The following DYNC2I1 variants were observed in gnomAD, a reference collection of about 807,000 sequenced individuals.
The protein encoded by DYNC2I1 is cytoplasmic dynein 2 intermediate chain 1.
DYNC2I1 carries 89 observed loss-of-function variants against 133.4 expected under a neutral mutation model. That is an observed-to-expected ratio of 0.67 (90% CI 0.56 to 0.80). DYNC2I1 has a LOEUF of 0.80. DYNC2I1 is among the 30% of genes least tolerant of loss of function. The probability of loss-of-function intolerance (pLI) is 0.00; values close to 1 mark genes in which losing one functional copy is unlikely to be tolerated. For synonymous variants in DYNC2I1, 504 were observed against 484.3 expected (o/e 1.04, Z -0.54); for missense variants, 1,291 against 1,314.5 (o/e 0.98, Z 0.28).
chr7:158,914,197 C>T (rs375093369), intron 13 of DYNC2I1, 36 bp from the exon 14 acceptor site: 33 of 1,544,098 alleles, frequency 2.1e-5, no homozygotes, highest in East Asian at 9.2e-5. Flanking sequence ...ATTTTAGAGT[C>T]GACTTCGTTG....
At chr7:158,876,801 A>T (rs1430835587) in intron 4 of DYNC2I1, 110 bp downstream of exon 4, 1 of 1,408,646 alleles carries the variant, frequency 7.1e-7, no homozygotes. Context: ...CCAGGATTTC[A>T]GTCCTGGAAA....
chr7:158,885,302 C>T (rs1027918274), intron 6 of DYNC2I1, among the ~76,000 whole-genome samples: 5 of 150,996 alleles, frequency 3.3e-5, no homozygotes, highest in Non-Finnish European at 2.9e-5. Context: ...ATTCCTGTCT[C>T]GTGTGGGTTT....
Position 158,879,829 on chromosome 7 carries a change from AT to A in DYNC2I1, c.721del (p.Ser241ProfsTer77), listed in dbSNP as rs750519654. ...KSSTREKREK[Y>X]SKEKSNSFSD... ...AGCACAAGGGAAAAAAGAGAGAAATATTCCAAAGAGAAAAGTAATTCATTCT... is the reference window on the plus strand; with the variant it reads ...AGCACAAGGGAAAAAAGAGAGAAATATCCAAAGAGAAAAGTAATTCATTCT... On this transcript the variant is annotated frameshift_variant, in exon 5 of 25. Transcript: ENST00000407559. LOFTEE classifies it high-confidence loss of function. The A allele has an allele frequency of 6.2e-7, 1 of 1,613,416 alleles. No individual in the cohort carries two copies. Among genetic ancestry groups the A allele is most frequent in the East Asian group, 2.2e-5 (1 of 44,884 alleles).
At position 158,945,387 on chromosome 7, in the gene DYNC2I1, G is replaced by A. The variant is rs943230618; in HGVS notation, c.3003-194G>A. Among the ~76,000 whole-genome samples, 5 of 152,216 alleles carry A rather than the reference G, an allele frequency of 3.3e-5. No individual in the cohort carries two copies. Among genetic ancestry groups the A allele is most frequent in the Non-Finnish European group, 7.3e-5 (5 of 68,034 alleles). The stretch of plus-strand genomic sequence containing the variant: ...CACTTACCTCTGCGAAGTTCCATCT[G>A]GCAGGCCTCTGACATGCGGAAATGC... On this transcript the variant is annotated intron_variant, in intron 24 of 24. Transcript: ENST00000407559. The surrounding 1 kb of genome is among the most constrained non-coding windows in gnomAD (Gnocchi z 4.1).
At position 158,914,257 on chromosome 7, in the gene DYNC2I1, A is replaced by G. The variant is rs1240668864; in HGVS notation, c.1727A>G (p.Asp576Gly). ...GGCAGTGAACAAAGAGATACCTCTG[A>G]TGCTGTAGTTATGCCAAAGATTGAT... Reference protein sequence around the residue: ...SGGSEQRDTSDAVVMPKIDTP... With the variant: ...SGGSEQRDTSGAVVMPKIDTP... The change falls in exon 14 of 25, where the codon GAT (aspartate) becomes GGT (glycine). Residue 576 changes from aspartate (D) to glycine (G), a missense_variant. By Grantham distance (94) the Asp-to-Gly change is moderately conservative. Coordinates refer to ENST00000407559, the MANE Select transcript of DYNC2I1 (RefSeq NM_018051.5). The G allele has an allele frequency of 6.2e-7, 1 of 1,612,604 alleles. No individual in the cohort carries two copies. Among genetic ancestry groups the G allele is most frequent in the East Asian group, 2.2e-5 (1 of 44,864 alleles).
In DYNC2I1 at chr7:158,930,149, G is replaced by A. The variant is rs575000948; in HGVS notation, c.2486-306G>A. 7.9e-5 allele frequency among the ~76,000 whole-genome samples: 12 copies of A among 151,236 alleles called. No individual in the cohort carries two copies. The East Asian group carries it at 1.2e-3, about 15-fold the overall frequency. ...AGGCTTATTTAGTGTATGTACACTCGTACACATGTATGGTTTGCTTACCCC... is the reference window on the plus strand; with the variant it reads ...AGGCTTATTTAGTGTATGTACACTCATACACATGTATGGTTTGCTTACCCC... On this transcript the variant is annotated intron_variant, in intron 20 of 24. Transcript: ENST00000407559.
chr7:158,925,623 C>T (rs745388667), intron 17 of DYNC2I1, among the ~76,000 whole-genome samples: 6 of 152,052 alleles, frequency 3.9e-5, no homozygotes, highest in Middle Eastern at 3.2e-3. Context: ...TATTGATTGG[C>T]GACAGGTATC....
intron 13 of DYNC2I1, among the ~76,000 whole-genome samples, chr7:158,913,884 T>C (rs966593712): frequency 6.6e-6 from 1 of 152,046 alleles, no homozygotes; most frequent in Non-Finnish European, 1.5e-5. Context: ...AATTTTTGTA[T>C]TTTTTAGTAG....
the DYNC2I1 span, among the ~76,000 whole-genome samples, chr7:158,848,055 G>C: frequency 2.0e-5 from 3 of 152,202 alleles, no homozygotes; most frequent in African/African-American, 7.2e-5. Context: ...CAGAATGAAA[G>C]AGCATGATTG....
intron 15 of DYNC2I1, 65 bp downstream of exon 15, chr7:158,918,934 T>C: frequency 6.7e-7 from 1 of 1,502,902 alleles, no homozygotes; most frequent in Non-Finnish European, 9.0e-7. Context: ...GAAATAATAC[T>C]CTGTAGTATA....
chr7:158,852,240 G>A (rs1841075307), upstream of DYNC2I1, among the ~76,000 whole-genome samples: 1 of 151,920 alleles, frequency 6.6e-6, no homozygotes, highest in Admixed American at 6.6e-5. Flanking sequence ...TCCTGCCTCA[G>A]CCTCCTGAGT....
intron 12 of DYNC2I1, among the ~76,000 whole-genome samples, chr7:158,912,041 C>G (rs1443922336): frequency 6.6e-6 from 1 of 152,192 alleles, no homozygotes. Context: ...GTGGAGTGAT[C>G]TTGGCTCACT....
chr7:158,918,602 T>TTTTTC, intron 14 of DYNC2I1, 138 bp from the exon 15 acceptor site: 1 of 949,486 alleles, frequency 1.1e-6, no homozygotes, highest in South Asian at 1.7e-5. Context: ...GACCGTATCG[T>TTTTTC]TTTTCTTGTA....
downstream of DYNC2I1, among the ~76,000 whole-genome samples, chr7:158,948,774 A>G (rs774825060): frequency 6.6e-6 from 1 of 152,218 alleles, no homozygotes; most frequent in African/African-American, 2.4e-5. Context: ...AGGGGGGTCC[A>G]GTCGCGGCTG....
At chr7:158,893,942 A>G (rs918240337) in intron 8 of DYNC2I1, among the ~76,000 whole-genome samples, 2 of 152,008 alleles carry the variant, frequency 1.3e-5, no homozygotes, top group African/African-American at 4.8e-5. Context: ...TGCTTATTCT[A>G]CTGCACATCT....
At position 158,905,162 on chromosome 7, in the gene DYNC2I1, A is replaced by G. The variant is rs535251383; in HGVS notation, c.1358-827A>G. The stretch of plus-strand genomic sequence containing the variant: ...TTTCTTTTTTTTTTTTTTTTTTGAG[A>G]CAGAGTCTCACTATGTCTCCCGTGC... On this transcript the variant is annotated intron_variant, in intron 10 of 24. Transcript: ENST00000407559. 334 of 276,722 alleles carry G rather than the reference A, an allele frequency of 1.2e-3. 13 individuals are homozygous for G. Among genetic ancestry groups the G allele is most frequent in the South Asian group, 8.8e-3 (318 of 35,994 alleles). The allele number at this position is 276,722 out of a possible 1,614,324, so 17.1% of individuals were successfully genotyped here.
chr7:158,886,206 C>G (rs1471724607), intron 6 of DYNC2I1, among the ~76,000 whole-genome samples: 1 of 152,156 alleles, frequency 6.6e-6, no homozygotes, highest in Non-Finnish European at 1.5e-5. Context: ...TCTCGGCCCA[C>G]TGTAACCTCT....
Position 158,876,617 on chromosome 7 carries a change from G to C in DYNC2I1, c.499G>C (p.Val167Leu). 1.9e-6 allele frequency: 3 copies of C among 1,572,488 alleles called. No individual in the cohort carries two copies. In the African/African-American group the frequency reaches 4.1e-5, roughly 22 times the overall value. The stretch of plus-strand genomic sequence containing the variant: ...TGTTTTACTTCTTGTAGTAAGTAAA[G>C]TAAGAAGTGAAGAGAAAGATGAAGA... ...AERKGRSVSK[V>L]RSEEKDEDSE... is the part of the protein sequence containing the mutation. Residue 167 changes from valine to leucine, a missense_variant, in exon 4 of 25, where the codon GTA (valine) becomes CTA (leucine). Coordinates refer to ENST00000407559, the MANE Select transcript of DYNC2I1 (RefSeq NM_018051.5).
chr7:158,866,210 C>T (rs570230405), intron 1 of DYNC2I1, among the ~76,000 whole-genome samples: 1 of 152,146 alleles, frequency 6.6e-6, no homozygotes, highest in South Asian at 2.1e-4. Context: ...CTCAGCGTCC[C>T]CTGTGTGCAG....
Sources: gnomAD v4.1 joint callset for allele counts (sites outside exome capture counted in the v4.1 genomes callset) on GRCh38, gnomAD v4.1.1 for gene constraint, Gnocchi (gnomAD v3.1) non-coding constraint, MANE v1.5 for transcripts, NCBI Gene and HGNC (gene_info 2026-07-23, HGNC 2026-07-21) for gene names.